The following PTPRT variants were observed in gnomAD, a reference collection of about 807,000 sequenced individuals.
PTPRT encodes receptor-type tyrosine-protein phosphatase T.
Under a neutral mutation model 176.8 loss-of-function variants are expected in PTPRT, and 56 were observed. That is an observed-to-expected ratio of 0.32 (90% CI 0.26 to 0.40). PTPRT has a LOEUF of 0.40. Among genes scored for constraint, PTPRT ranks in the 10% least tolerant of loss-of-function variants. PTPRT has a pLI of 1.00. For missense variants in PTPRT, 1,540 were observed against 1,908.2 expected (o/e 0.81, Z 3.60); for synonymous variants, 783 against 739.0 (o/e 1.06, Z -0.96).
intron 1 of PTPRT, among the ~76,000 whole-genome samples, chr20:43,179,813 T>A (rs6103183): frequency 0.013 from 2,048 of 152,358 alleles, 60 homozygotes; most frequent in African/African-American, 0.046. Flanking sequence ...AAACAAGGTT[T>A]CCCACACTTG....
intron 1 of PTPRT, among the ~76,000 whole-genome samples, chr20:43,159,872 T>C (rs1031397582): frequency 6.6e-6 from 1 of 151,870 alleles, no homozygotes. Flanking sequence ...TCCAAACAAA[T>C]TGGTCAAGAT....
At chr20:42,888,530 C>A (rs1226327600) in intron 1 of PTPRT, among the ~76,000 whole-genome samples, 1 of 152,186 alleles carries the variant, frequency 6.6e-6, no homozygotes, top group Non-Finnish European at 1.5e-5. Flanking sequence ...AAATGACCTG[C>A]TCAGGCAACA....
chr20:42,975,624 G>A (rs1365789860), intron 1 of PTPRT, among the ~76,000 whole-genome samples: 2 of 152,084 alleles, frequency 1.3e-5, no homozygotes, highest in African/African-American at 4.8e-5. Flanking sequence ...GATGCTTGAG[G>A]AAACAAGACA....
intron 1 of PTPRT, among the ~76,000 whole-genome samples, chr20:43,027,475 C>A (rs375619591): frequency 2.7e-3 from 376 of 139,192 alleles, no homozygotes; most frequent in South Asian, 4.2e-3. Context: ...GACTCCACCT[C>A]AAAAAAAAAA....
In PTPRT at chr20:42,364,442, G is replaced by A. The variant is rs1016982993; in HGVS notation, c.1561-12157C>T. On this transcript the variant is annotated intron_variant, in intron 9 of 30. Transcript: ENST00000373187. ...GTAGCATTTGTAAGAAATTGTATTCGCCCCTACTTACTATGAGAAGGTTTT... is the reference window on the plus strand; with the variant it reads ...GTAGCATTTGTAAGAAATTGTATTCACCCCTACTTACTATGAGAAGGTTTT... Among the ~76,000 whole-genome samples, 15 of 152,100 alleles carry A rather than the reference G, an allele frequency of 9.9e-5. 1 individual carries two copies. In the South Asian group the frequency reaches 1.2e-3, roughly 13 times the overall value.
At position 42,472,540 on chromosome 20, in the gene PTPRT, G is replaced by A. The variant is rs41279258; in HGVS notation, c.1176C>T (p.Asn392=). 0.011 allele frequency: 17,072 copies of A among 1,613,672 alleles called. 133 individuals are homozygous for A. Among genetic ancestry groups the A allele is most frequent in the Middle Eastern group, 0.041 (248 of 6,020 alleles). Residue 392 remains asparagine (N), a synonymous_variant, in exon 8 of 31, where the codon AAC becomes AAT. Coordinates refer to ENST00000373187, the MANE Select transcript of PTPRT (RefSeq NM_007050.6). ...GGGCTCTGATGTCTACGATTTCCAC[G>A]TTCTGTGGGCCATGTACCGGATCTG... ...KCADPVHGPQ[N]VEIVDIRARQ...
Position 42,110,331 on chromosome 20 carries a change from A to G in PTPRT, c.3254+2T>C, listed in dbSNP as rs2146290473. 6.2e-7 allele frequency: 1 copy of G among 1,604,690 alleles called. No individual in the cohort carries two copies. Among genetic ancestry groups the G allele is most frequent in the Non-Finnish European group, 8.5e-7 (1 of 1,173,888 alleles). ...TCCCAAGGTGAAGGACCTTTGACTT[A>G]CCTGCAGTGGACCACTATGGGCCCA... On this transcript the variant is annotated splice_donor_variant, in intron 23 of 30. Coordinates refer to ENST00000373187, the MANE Select transcript of PTPRT (RefSeq NM_007050.6). LOFTEE classifies it high-confidence loss of function.
chr20:42,376,844 T>C (rs2058654837), intron 9 of PTPRT, among the ~76,000 whole-genome samples: 1 of 151,896 alleles, frequency 6.6e-6, no homozygotes, highest in Admixed American at 6.6e-5. Context: ...GCAAGAGTAG[T>C]GAATTGGGGT....
intron 1 of PTPRT, among the ~76,000 whole-genome samples, chr20:43,049,022 A>G (rs1157154): frequency 0.38 from 57,206 of 152,078 alleles, 14,169 homozygotes; most frequent in African/African-American, 0.7. Flanking sequence ...ATAACCTGAC[A>G]GCTAAACAAG....
At chr20:42,777,503 A>C (rs2077155404) in intron 4 of PTPRT, among the ~76,000 whole-genome samples, 1 of 152,130 alleles carries the variant, frequency 6.6e-6, no homozygotes, top group Admixed American at 6.5e-5. Context: ...CCAGACACCG[A>C]CACTTACTAT....
the PTPRT span, among the ~76,000 whole-genome samples, chr20:42,058,999 C>G: frequency 6.6e-6 from 1 of 152,104 alleles, no homozygotes; most frequent in African/African-American, 2.4e-5. Flanking sequence ...TAAAAGATCC[C>G]CAGACCTAAT....
At chr20:42,327,704 G>C (rs1395787664) in intron 11 of PTPRT, among the ~76,000 whole-genome samples, 1 of 151,976 alleles carries the variant, frequency 6.6e-6, no homozygotes, top group Non-Finnish European at 1.5e-5. Flanking sequence ...CTGTAGGTTT[G>C]AAATCAAAGA....
Position 42,109,704 on chromosome 20 carries a change from T to TATC in PTPRT, c.3254+626_3254+628dup, listed in dbSNP as rs1986839543. Among the ~76,000 whole-genome samples, 5 of 152,152 alleles carry TATC rather than the reference T, an allele frequency of 3.3e-5. No homozygotes were observed. The South Asian group carries it at 1.0e-3, about 31-fold the overall frequency. On this transcript the variant is annotated intron_variant, in intron 23 of 30. Coordinates refer to ENST00000373187, the MANE Select transcript of PTPRT (RefSeq NM_007050.6). ...TACCTCCTCAGCACTTGAGTTTTTG[T>TATC]ATCTGTAAAATGGGAATGTTAATAA...
chr20:42,469,054 T>A (rs1198548630), intron 8 of PTPRT, among the ~76,000 whole-genome samples: 1 of 152,140 alleles, frequency 6.6e-6, no homozygotes, highest in Non-Finnish European at 1.5e-5. Flanking sequence ...CTGCCGGGGA[T>A]AGATGCTCCT....
intron 8 of PTPRT, among the ~76,000 whole-genome samples, chr20:42,460,733 C>A (rs1337775768): frequency 6.6e-6 from 1 of 152,124 alleles, no homozygotes; most frequent in Non-Finnish European, 1.5e-5. Flanking sequence ...TCCTTTTTGC[C>A]GCCTTGTGAA....
chr20:42,749,817 T>C (rs1183907530), intron 6 of PTPRT, among the ~76,000 whole-genome samples: 2 of 152,164 alleles, frequency 1.3e-5, no homozygotes, highest in African/African-American at 4.8e-5. Flanking sequence ...GCATTCCATC[T>C]TTAAACTAGA....
chr20:43,010,601 G>A (rs746559586), intron 1 of PTPRT, among the ~76,000 whole-genome samples: 1 of 152,066 alleles, frequency 6.6e-6, no homozygotes, highest in Non-Finnish European at 1.5e-5. Flanking sequence ...GTAGCAAAAC[G>A]TATACTGGTT....
chr20:42,555,486 T>C (rs1393517473), intron 7 of PTPRT, among the ~76,000 whole-genome samples: 2 of 152,076 alleles, frequency 1.3e-5, no homozygotes, highest in Non-Finnish European at 2.9e-5. Context: ...AGTTTAGGTG[T>C]TGCTAGCAAG....
chr20:43,054,224 G>A (rs1057440277), intron 1 of PTPRT, among the ~76,000 whole-genome samples: 1 of 152,124 alleles, frequency 6.6e-6, no homozygotes, highest in African/African-American at 2.4e-5. Flanking sequence ...CATCAAAATG[G>A]AGACATTACA....
Sources: gnomAD v4.1 joint callset for allele counts (sites outside exome capture counted in the v4.1 genomes callset) on GRCh38, gnomAD v4.1.1 for gene constraint, MANE v1.5 for transcripts, NCBI Gene and HGNC (gene_info 2026-07-23, HGNC 2026-07-21) for gene names.